ALX1: variants seen among roughly 807,000 people sequenced by gnomAD.
ALX1 encodes ALX homeobox 1.
A neutral mutation model predicts 31.7 loss-of-function variants in ALX1; 19 were observed. The ratio of observed to expected loss-of-function variants is 0.60; its 90% CI spans 0.42 to 0.88. ALX1 has a LOEUF of 0.88. ALX1 is among the 40% of genes least tolerant of loss of function. The probability of loss-of-function intolerance (pLI) is 0.00; values close to 1 mark genes in which losing one functional copy is unlikely to be tolerated. For missense variants in ALX1, 415 were observed against 407.8 expected, an observed-to-expected ratio of 1.02 and a Z score of -0.15; for synonymous variants, 153 against 148.8, an observed-to-expected ratio of 1.03 and a Z score of -0.20.
intron 3 of ALX1, among the ~76,000 whole-genome samples, chr12:85,291,934 T>G (rs1896824052): frequency 6.6e-6 from 1 of 151,144 alleles, no homozygotes. Flanking sequence ...TTTTAGACCT[T>G]TGGCAAATGA....
At chr12:85,286,130 C>T (rs1896743457) in intron 2 of ALX1, among the ~76,000 whole-genome samples, 3 of 151,770 alleles carry the variant, frequency 2.0e-5, no homozygotes, top group East Asian at 1.9e-4. Context: ...TAAAGATATC[C>T]GAGCATTTTC....
chr12:85,281,845 G>A (rs1896678273), intron 1 of ALX1, among the ~76,000 whole-genome samples: 1 of 152,134 alleles, frequency 6.6e-6, no homozygotes, highest in Admixed American at 6.5e-5. Context: ...TGAATTGACA[G>A]GTCTTTCTTT....
intron 3 of ALX1, among the ~76,000 whole-genome samples, chr12:85,292,410 G>C (rs998791932): frequency 1.3e-5 from 2 of 151,014 alleles, no homozygotes; most frequent in Non-Finnish European, 3.0e-5. Context: ...GTTTCACTGA[G>C]TATTGTATAG....
At chr12:85,284,786 CT>C (rs1161152148) in intron 2 of ALX1, among the ~76,000 whole-genome samples, 2 of 152,000 alleles carry the variant, frequency 1.3e-5, no homozygotes, top group Admixed American at 6.6e-5. Flanking sequence ...TGGCCTTGGT[CT>C]TTGTGTGTGT....
At chr12:85,281,024 A>G (rs1398923426) in intron 1 of ALX1, among the ~76,000 whole-genome samples, 1 of 152,210 alleles carries the variant, frequency 6.6e-6, no homozygotes, top group African/African-American at 2.4e-5. Context: ...ACGTGGCGAT[A>G]TATTTTCAAA....
chr12:85,289,666 G>T (rs1405869949), intron 3 of ALX1, among the ~76,000 whole-genome samples: 1 of 151,140 alleles, frequency 6.6e-6, no homozygotes, highest in Admixed American at 6.6e-5. Flanking sequence ...GTACTTTCTT[G>T]TATTGGTAAA....
chr12:85,294,156 T>G (rs550904057), intron 3 of ALX1, among the ~76,000 whole-genome samples: 1 of 151,192 alleles, frequency 6.6e-6, no homozygotes, highest in African/African-American at 2.4e-5. Flanking sequence ...TTAAAATATT[T>G]GTGTATTTTA....
intron 3 of ALX1, among the ~76,000 whole-genome samples, chr12:85,292,772 T>C (rs923427839): frequency 2.0e-5 from 3 of 151,000 alleles, no homozygotes; most frequent in African/African-American, 7.3e-5. Flanking sequence ...TCTTAATGGT[T>C]GTCTTAACTT....
At chr12:85,280,916 C>A (rs536400548) in intron 1 of ALX1, among the ~76,000 whole-genome samples, 63 of 150,654 alleles carry the variant, frequency 4.2e-4, no homozygotes, top group African/African-American at 1.6e-3. Context: ...ACGTCACTGT[C>A]GTCACGAGTA....
chr12:85,286,756 T>TA, intron 2 of ALX1, 97 bp from the exon 3 acceptor site: 1 of 1,167,942 alleles, frequency 8.6e-7, no homozygotes, highest in African/African-American at 1.6e-5. Flanking sequence ...GTAATTTTTT[T>TA]AACCTGGTTT....
At chr12:85,292,254 C>T (rs758458364) in intron 3 of ALX1, among the ~76,000 whole-genome samples, 2 of 150,968 alleles carry the variant, frequency 1.3e-5, no homozygotes, top group Non-Finnish European at 3.0e-5. Flanking sequence ...AACATACTTT[C>T]CTTTTTAAAT....
rs1357470582 is a variant in ALX1 at position 85,301,333 on chromosome 12, T to G, written c.839T>G (p.Phe280Cys). Residue 280 changes from phenylalanine to cysteine, a missense_variant, in exon 4 of 4, where the codon TTT becomes TGT. By Grantham distance (205) the Phe-to-Cys change is radical. Around this residue, in one of 3 missense-constraint regions of ALX1, gnomAD observed 174 missense variants for 177.5 expected, o/e 0.98. Coordinates refer to ENST00000316824, the MANE Select transcript of ALX1 (RefSeq NM_006982.3). The stretch of plus-strand genomic sequence containing the variant: ...TTCAGCCACGTGCCCCTCAACAATT[T>G]TTTCACTGACTCTCTTCTTACTGGG... ...NQFSHVPLNNFFTDSLLTGAT... is the reference protein window; with the variant it reads ...NQFSHVPLNNCFTDSLLTGAT... The G allele has an allele frequency of 6.2e-7, 1 of 1,613,914 alleles. No homozygotes were observed. The highest frequency in any genetic ancestry group is 8.5e-7 in the Non-Finnish European group (1 of 1,179,996).
In ALX1 at chr12:85,283,638, A is replaced by T. The variant is rs946319311; in HGVS notation, c.293A>T (p.Asn98Ile). The change falls in exon 2 of 4, where the codon AAC becomes ATC. Residue 98 changes from asparagine (N) to isoleucine (I), a missense_variant. Asn to Ile is a moderately radical substitution (Grantham distance 149). Around this residue, in one of 3 missense-constraint regions of ALX1, gnomAD observed 235 missense variants for 208.9 expected, o/e 1.13. Coordinates refer to ENST00000316824, the MANE Select transcript of ALX1 (RefSeq NM_006982.3). ...LHTELNRAMD[N>I]CNSLRMSPVK... Reference sequence around the variant, plus strand: ...ACCGAACTGAATAGAGCTATGGACAACTGTAACAGTCTCCGAATGTCTCCC... The same window carrying T: ...ACCGAACTGAATAGAGCTATGGACATCTGTAACAGTCTCCGAATGTCTCCC... The T allele has an allele frequency of 1.4e-5, 22 of 1,614,154 alleles. No homozygotes were observed. Among genetic ancestry groups the T allele is most frequent in the Non-Finnish European group, 1.8e-5 (21 of 1,180,000 alleles).
Position 85,280,231 on chromosome 12 carries a change from C to T in ALX1, c.-31C>T. 6.2e-7 allele frequency: 1 copy of T among 1,600,844 alleles called. No homozygotes were observed. Among genetic ancestry groups the T allele is most frequent in the Non-Finnish European group, 8.6e-7 (1 of 1,169,020 alleles). On this transcript the variant is annotated 5_prime_UTR_variant, in exon 1 of 4. Transcript: ENST00000316824. ...CCCCAGCGCTCTCCAGTTTCTGTGC[C>T]CCAGGAGCTACGCGACAGTCTTCCA...
intron 3 of ALX1, among the ~76,000 whole-genome samples, chr12:85,299,774 T>C (rs17012685): frequency 0.032 from 4,844 of 151,960 alleles, 250 homozygotes; most frequent in African/African-American, 0.11. Flanking sequence ...GAAAATTAGT[T>C]GCCATAGAAA....
intron 3 of ALX1, among the ~76,000 whole-genome samples, chr12:85,291,442 T>C (rs780201872): frequency 3.3e-5 from 5 of 151,126 alleles, no homozygotes; most frequent in Admixed American, 6.6e-5. Flanking sequence ...TCTAGTGATA[T>C]TACATTTTAA....
chr12:85,283,924 G>A (rs749975123), intron 2 of ALX1, 48 bp downstream of exon 2: 2 of 1,591,472 alleles, frequency 1.3e-6, no homozygotes, highest in African/African-American at 2.7e-5. Flanking sequence ...AAAATAAATG[G>A]TGTTAGAATA....
At chr12:85,291,673 A>G (rs1402461726) in intron 3 of ALX1, among the ~76,000 whole-genome samples, 3 of 151,070 alleles carry the variant, frequency 2.0e-5, no homozygotes, top group Non-Finnish European at 4.5e-5. Context: ...TGATCTTCAG[A>G]TTCTTTATTT....
chr12:85,282,256 T>C (rs956148870), intron 1 of ALX1, among the ~76,000 whole-genome samples: 2 of 152,114 alleles, frequency 1.3e-5, no homozygotes, highest in Non-Finnish European at 2.9e-5. Context: ...TATATATATA[T>C]ATAGACAAAT....
Sources: gnomAD v4.1 joint callset for allele counts (sites outside exome capture counted in the v4.1 genomes callset) on GRCh38, gnomAD v4.1.1 for gene constraint, gnomAD v4.1.1 regional missense constraint, MANE v1.5 for transcripts, NCBI Gene and HGNC (gene_info 2026-07-23, HGNC 2026-07-21) for gene names.